ASTN2: variants seen among roughly 807,000 people sequenced by gnomAD.
The protein encoded by ASTN2 is astrotactin-2.
In ASTN2, 54 loss-of-function variants were observed where a neutral mutation model predicts 139.8. That is an observed-to-expected ratio of 0.39 (90% CI 0.31 to 0.48). ASTN2 has a LOEUF of 0.48. Ranked by LOEUF, ASTN2 falls within the 20% of genes least tolerant of loss-of-function variation. The probability of loss-of-function intolerance (pLI) is 0.95; values close to 1 mark genes in which losing one functional copy is unlikely to be tolerated. For missense variants in ASTN2, 1,565 were observed against 1,725.1 expected, an observed-to-expected ratio of 0.91 and a Z score of 1.64; for synonymous variants, 756 against 719.5, an observed-to-expected ratio of 1.05 and a Z score of -0.81.
At chr9:116,803,236 A>G (rs1176349769) in intron 13 of ASTN2, among the ~76,000 whole-genome samples, 1 of 151,394 alleles carries the variant, frequency 6.6e-6, no homozygotes, top group East Asian at 1.9e-4. Flanking sequence ...GAAAACTAGT[A>G]TTGTAGAATC....
At chr9:117,305,043 TGGGACCACTGTG>T (rs987642515) in intron 1 of ASTN2, among the ~76,000 whole-genome samples, 1 of 152,236 alleles carries the variant, frequency 6.6e-6, no homozygotes, top group Non-Finnish European at 1.5e-5. Context: ...CGAGAAGTCC[TGGGACCACTGTG>T]GGGACACCTT....
At chr9:116,796,088 C>T (rs551524821) in intron 13 of ASTN2, among the ~76,000 whole-genome samples, 3 of 152,248 alleles carry the variant, frequency 2.0e-5, no homozygotes, top group East Asian at 1.9e-4. Flanking sequence ...CTCTATGGCA[C>T]GTGGGACTTC....
intron 19 of ASTN2, among the ~76,000 whole-genome samples, chr9:116,498,590 C>A (rs998599222): frequency 6.7e-6 from 1 of 149,350 alleles, no homozygotes; most frequent in African/African-American, 2.5e-5. Flanking sequence ...AGAGTGAGAC[C>A]CTACCTCAAA....
At chr9:116,439,375 T>C (rs1847769964) in intron 22 of ASTN2, among the ~76,000 whole-genome samples, 1 of 145,148 alleles carries the variant, frequency 6.9e-6, no homozygotes, top group Non-Finnish European at 1.5e-5. Context: ...TAATTTTTTG[T>C]ATTTTTAGTA....
At chr9:116,682,210 A>G (rs1055639092) in intron 16 of ASTN2, among the ~76,000 whole-genome samples, 6 of 152,170 alleles carry the variant, frequency 3.9e-5, no homozygotes, top group Middle Eastern at 3.2e-3. Context: ...CAAAAAGTGG[A>G]CGAAGGACAT....
At chr9:116,948,058 C>T (rs961388835) in intron 10 of ASTN2, among the ~76,000 whole-genome samples, 11 of 152,148 alleles carry the variant, frequency 7.2e-5, no homozygotes, top group African/African-American at 1.7e-4. Flanking sequence ...TCAGGACTTA[C>T]GTCTTCAGAT....
At chr9:117,015,653 G>A (rs561913466) in intron 6 of ASTN2, among the ~76,000 whole-genome samples, 73 of 152,242 alleles carry the variant, frequency 4.8e-4, no homozygotes, top group African/African-American at 1.7e-3. Flanking sequence ...CCCATAAAGT[G>A]TGTGAATCAG....
intron 10 of ASTN2, among the ~76,000 whole-genome samples, chr9:116,908,512 A>G (rs142616748): frequency 0.014 from 2,166 of 152,334 alleles, 73 homozygotes; most frequent in Admixed American, 0.08. Flanking sequence ...CACCACCATC[A>G]TTAGCCTGGA....
chr9:116,959,135 T>C (rs903233503), intron 10 of ASTN2, among the ~76,000 whole-genome samples: 3 of 152,022 alleles, frequency 2.0e-5, no homozygotes, highest in South Asian at 2.1e-4. Flanking sequence ...GTGTGACCAC[T>C]GGGAGATGGC....
At chr9:116,487,321 G>A in intron 20 of ASTN2, 38 bp downstream of exon 20, 1 of 1,607,530 alleles carries the variant, frequency 6.2e-7, no homozygotes, top group African/African-American at 1.3e-5. Flanking sequence ...AAATCATCCT[G>A]TCTGCCTCAT....
At chr9:117,266,369 C>T (rs1482162314) in intron 2 of ASTN2, among the ~76,000 whole-genome samples, 3 of 152,092 alleles carry the variant, frequency 2.0e-5, no homozygotes, top group Non-Finnish European at 2.9e-5. Flanking sequence ...AATATATCTT[C>T]ACCAGCTTCT....
intron 1 of ASTN2, among the ~76,000 whole-genome samples, chr9:117,293,292 C>G (rs1834640929): frequency 6.6e-6 from 1 of 152,304 alleles, no homozygotes; most frequent in South Asian, 2.1e-4. Flanking sequence ...TAACTTGACT[C>G]TCTTCTTCCA....
At chr9:116,728,204 C>T (rs1423405630) in intron 15 of ASTN2, among the ~76,000 whole-genome samples, 2 of 152,106 alleles carry the variant, frequency 1.3e-5, no homozygotes, top group Non-Finnish European at 2.9e-5. Context: ...TTTGGAGATA[C>T]TGGAATAAAT....
chr9:116,540,785 A>C (rs963525642), intron 19 of ASTN2: 1 of 152,224 alleles, frequency 6.6e-6, no homozygotes, highest in African/African-American at 2.4e-5. Context: ...GCTGGTCTTC[A>C]TAAGAGATTA....
At chr9:116,688,405 A>G (rs1193209694) in intron 16 of ASTN2, among the ~76,000 whole-genome samples, 1 of 152,024 alleles carries the variant, frequency 6.6e-6, no homozygotes, top group Non-Finnish European at 1.5e-5. Context: ...CATGGGAGAC[A>G]GAGGGAGTTC....
chr9:117,263,717 T>C (rs957044617), intron 2 of ASTN2, among the ~76,000 whole-genome samples: 3 of 152,212 alleles, frequency 2.0e-5, no homozygotes, highest in African/African-American at 7.2e-5. Flanking sequence ...AATATGGTTT[T>C]GAACCTTTTC....
At chr9:116,740,955 G>A (rs1191584530) in intron 13 of ASTN2, among the ~76,000 whole-genome samples, 1 of 151,382 alleles carries the variant, frequency 6.6e-6, no homozygotes, top group African/African-American at 2.4e-5. Context: ...TGTAATAGAA[G>A]GGGAAGGTCT....
rs1006244007 is a variant in ASTN2 at position 117,178,438 on chromosome 9, C to A, written c.1015+35920G>T. Reference sequence around the variant, plus strand: ...TACTGTTTTGGACAGATCTGTGTGCCCAGTTTTGAAGTAGATTGGTTTCAC... The same window carrying A: ...TACTGTTTTGGACAGATCTGTGTGCACAGTTTTGAAGTAGATTGGTTTCAC... On this transcript the variant is annotated intron_variant, in intron 3 of 22. Transcript: ENST00000313400. Among the ~76,000 whole-genome samples the A allele has an allele frequency of 3.9e-5, 6 of 152,036 alleles. No homozygotes were observed. In the East Asian group the frequency reaches 1.2e-3, roughly 29 times the overall value.
chr9:116,971,395 T>C (rs962671865), intron 10 of ASTN2, among the ~76,000 whole-genome samples: 1 of 152,206 alleles, frequency 6.6e-6, no homozygotes, highest in East Asian at 1.9e-4. Flanking sequence ...AAATTGGCAA[T>C]GTTCTCTCTC....
Sources: allele counts gnomAD v4.1 joint callset (sites outside exome capture counted in the v4.1 genomes callset), GRCh38; gene constraint gnomAD v4.1.1; transcripts MANE v1.5; gene names NCBI Gene and HGNC (gene_info 2026-07-23, HGNC 2026-07-21).